DOCK8: variants seen among roughly 807,000 people sequenced by gnomAD.
The protein encoded by DOCK8 is dedicator of cytokinesis protein 8.
In DOCK8, 141 loss-of-function variants were observed where a neutral mutation model predicts 245.6. The observed-to-expected ratio is 0.57, with a 90% CI of 0.50 to 0.66. The LOEUF (loss-of-function observed/expected upper bound fraction) is 0.66, where lower values mean the gene tolerates loss of function less well. Among genes scored for constraint, DOCK8 ranks in the 30% least tolerant of loss-of-function variants. The pLI is 0.00. For missense variants in DOCK8, 2,965 were observed against 2,603.4 expected (o/e 1.14, Z -3.02); for synonymous variants, 1,168 against 970.2 (o/e 1.20, Z -3.79).
chr9:358,937 G>C (rs768567691), intron 14 of DOCK8, among the ~76,000 whole-genome samples: 2 of 152,196 alleles, frequency 1.3e-5, no homozygotes, highest in African/African-American at 2.4e-5. Flanking sequence ...TGAACGATAA[G>C]ATTCATATAT....
At chr9:420,355 C>G (rs1421067072) in intron 30 of DOCK8, 46 bp from the exon 31 acceptor site, 1 of 1,610,880 alleles carries the variant, frequency 6.2e-7, no homozygotes, top group African/African-American at 1.3e-5. Context: ...TTTTCTGTTG[C>G]TTGACTTCTT....
intron 36 of DOCK8, among the ~76,000 whole-genome samples, chr9:430,902 C>G (rs768206413): frequency 1.1e-4 from 17 of 152,080 alleles, no homozygotes; most frequent in Non-Finnish European, 1.8e-4. Context: ...CAGTGTCTTG[C>G]TCTGTCACCC....
intron 1 of DOCK8, among the ~76,000 whole-genome samples, chr9:223,728 G>A (rs1010037809): frequency 6.6e-5 from 10 of 150,648 alleles, no homozygotes; most frequent in African/African-American, 2.4e-4. Flanking sequence ...CCACTTAACA[G>A]AATTAACATC....
At position 439,339 on chromosome 9, in the gene DOCK8, A is replaced by C; in HGVS notation, c.5174A>C (p.Glu1725Ala). 2.5e-6 allele frequency: 4 copies of C among 1,614,064 alleles called. No individual in the cohort carries two copies. The highest frequency in any genetic ancestry group is 3.4e-6 in the Non-Finnish European group (4 of 1,180,014). ...DGVCAGQYFT[E>A]SGLVGLLEQA... ...GTGTGCGCAGGCCAGTACTTCACCG[A>C]GAGTGGCCTGGTAGGCCTCCTGGAG... The change falls in exon 40 of 48, where the codon GAG (glutamate) becomes GCG (alanine). Residue 1725 changes from glutamate (E) to alanine (A), a missense_variant. Transcript: ENST00000432829.
chr9:240,592 T>C (rs1264692226), intron 1 of DOCK8, among the ~76,000 whole-genome samples: 1 of 152,186 alleles, frequency 6.6e-6, no homozygotes, highest in Non-Finnish European at 1.5e-5. Flanking sequence ...ACAATTTCTT[T>C]TTATTGCCAG....
intron 23 of DOCK8, 42 bp downstream of exon 23, chr9:386,468 C>A: frequency 1.3e-6 from 2 of 1,562,920 alleles, no homozygotes; most frequent in Non-Finnish European, 1.8e-6. Context: ...AGGATAAGAA[C>A]AGAAGGATTT....
intron 1 of DOCK8, among the ~76,000 whole-genome samples, chr9:254,331 T>C (rs2047719277): frequency 6.6e-6 from 1 of 152,214 alleles, no homozygotes; most frequent in African/African-American, 2.4e-5. Flanking sequence ...AAATGAATAA[T>C]TCCCAACTCT....
chr9:269,222 AT>A (rs2048100910), intron 1 of DOCK8, among the ~76,000 whole-genome samples: 1 of 152,350 alleles, frequency 6.6e-6, no homozygotes, highest in African/African-American at 2.4e-5. Flanking sequence ...TCTCTACAAT[AT>A]CCCCAACCTT....
At chr9:227,579 A>G (rs988930806) in intron 1 of DOCK8, among the ~76,000 whole-genome samples, 12 of 152,190 alleles carry the variant, frequency 7.9e-5, no homozygotes, top group African/African-American at 2.9e-4. Context: ...TTTGTAAACC[A>G]CTGAGATTTT....
chr9:257,326 A>G (rs1376773505), intron 1 of DOCK8, among the ~76,000 whole-genome samples: 1 of 152,206 alleles, frequency 6.6e-6, no homozygotes, highest in Admixed American at 6.5e-5. Context: ...TTAACTAGAT[A>G]GTCAGCGTTA....
chr9:451,863 A>C, intron 45 of DOCK8, 148 bp from the exon 46 acceptor site: 1 of 241,284 alleles, frequency 4.1e-6, no homozygotes, highest in African/African-American at 2.5e-5. Context: ...ATTCATATAT[A>C]TGTGTGTGTA....
chr9:287,666 G>A (rs545832230), intron 3 of DOCK8, among the ~76,000 whole-genome samples: 2 of 152,108 alleles, frequency 1.3e-5, no homozygotes, highest in Non-Finnish European at 2.9e-5. Context: ...GTGTAGCTCT[G>A]ATGTTTTAAA....
chr9:403,911 T>TAC (rs1564021180), intron 26 of DOCK8, among the ~76,000 whole-genome samples: 12 of 85,918 alleles, frequency 1.4e-4, no homozygotes, highest in African/African-American at 5.4e-4. Context: ...TATATATATA[T>TAC]ATATACATAT....
chr9:303,421 T>G (rs2049652082), intron 4 of DOCK8, among the ~76,000 whole-genome samples: 1 of 152,116 alleles, frequency 6.6e-6, no homozygotes, highest in South Asian at 2.1e-4. Context: ...TAAAGAAAAT[T>G]TGGTACATAT....
intron 2 of DOCK8, among the ~76,000 whole-genome samples, chr9:286,130 G>A (rs771633566): frequency 2.6e-5 from 4 of 152,202 alleles, no homozygotes; most frequent in Admixed American, 6.5e-5. Flanking sequence ...GAGCCTTTGC[G>A]GGAGAAATTA....
chr9:362,179 C>T (rs80164735), intron 14 of DOCK8, among the ~76,000 whole-genome samples: 4,278 of 152,254 alleles, frequency 0.028, 100 homozygotes, highest in Middle Eastern at 0.068. Context: ...ATCAGTGACA[C>T]AATGTTTTTT....
At chr9:319,082 A>C (rs1345475017) in intron 7 of DOCK8, among the ~76,000 whole-genome samples, 1 of 152,206 alleles carries the variant, frequency 6.6e-6, no homozygotes, top group East Asian at 1.9e-4. Context: ...GGATCGCTTG[A>C]GGCCAGGAGT....
At chr9:390,600 T>C (rs1408107860) in intron 24 of DOCK8, 34 bp downstream of exon 24, 1 of 1,591,032 alleles carries the variant, frequency 6.3e-7, no homozygotes, top group South Asian at 1.1e-5. Context: ...CTGTGCTCAA[T>C]AGGCCAAGAG....
chr9:213,875 G>C (rs1330113598), upstream of DOCK8: 2 of 152,130 alleles, frequency 1.3e-5, no homozygotes, highest in Non-Finnish European at 2.9e-5. Flanking sequence ...ACTAAGGCGT[G>C]CGCCACCACG....
Sources: allele counts gnomAD v4.1 joint callset (sites outside exome capture counted in the v4.1 genomes callset), GRCh38; gene constraint gnomAD v4.1.1; transcripts MANE v1.5; gene names NCBI Gene and HGNC (gene_info 2026-07-23, HGNC 2026-07-21).